UBE2R2: variants seen among roughly 807,000 people sequenced by gnomAD.
UBE2R2 encodes ubiquitin-conjugating enzyme E2 R2.
Under a neutral mutation model 27.8 loss-of-function variants are expected in UBE2R2, and 1 was observed. The observed-to-expected ratio is 0.04, with a 90% CI of 0.01 to 0.17. The LOEUF (loss-of-function observed/expected upper bound fraction) is 0.17, where lower values mean the gene tolerates loss of function less well. UBE2R2 is among the 10% of genes least tolerant of loss of function. UBE2R2 has a pLI of 1.00. For missense variants in UBE2R2, 100 were observed against 291.0 expected, an observed-to-expected ratio of 0.34 and a Z score of 4.78; for synonymous variants, 106 against 113.3, an observed-to-expected ratio of 0.94 and a Z score of 0.41.
At chr9:33,899,255 C>T (rs578057700) in intron 2 of UBE2R2, among the ~76,000 whole-genome samples, 5 of 151,978 alleles carry the variant, frequency 3.3e-5, no homozygotes, top group South Asian at 2.1e-4. Flanking sequence ...TTGCCCAGGC[C>T]GGAGCACTAT....
At chr9:33,843,099 G>A (rs1490285753) in intron 1 of UBE2R2, among the ~76,000 whole-genome samples, 2 of 144,616 alleles carry the variant, frequency 1.4e-5, no homozygotes, top group South Asian at 2.1e-4. Context: ...CCAGGCTGGA[G>A]TGCAGTGGCA....
chr9:33,909,372 T>C (rs981929160), intron 3 of UBE2R2, among the ~76,000 whole-genome samples: 2 of 151,860 alleles, frequency 1.3e-5, no homozygotes. Flanking sequence ...CCTGTAATCC[T>C]AGCTACTTGG....
chr9:33,888,314 C>T (rs201885009), intron 2 of UBE2R2, among the ~76,000 whole-genome samples: 3 of 116,020 alleles, frequency 2.6e-5, no homozygotes, highest in East Asian at 6.4e-4. Flanking sequence ...AACAAAAAAA[C>T]AAACAAAAAA....
chr9:33,884,225 T>TCTCTCC (rs1821801674), intron 1 of UBE2R2, among the ~76,000 whole-genome samples: 1 of 145,726 alleles, frequency 6.9e-6, no homozygotes, highest in Non-Finnish European at 1.5e-5. Context: ...TCTCTCTCTC[T>TCTCTCC]CTCTCTCTCT....
At chr9:33,880,133 G>A (rs914663162) in intron 1 of UBE2R2, among the ~76,000 whole-genome samples, 7 of 151,402 alleles carry the variant, frequency 4.6e-5, no homozygotes, top group Admixed American at 6.6e-5. Flanking sequence ...GAATCCACCC[G>A]CCTCGGCCTC....
In UBE2R2 at chr9:33,917,243, T is replaced by C; in HGVS notation, c.*6T>C. On this transcript the variant is annotated 3_prime_UTR_variant, in exon 5 of 5. Transcript: ENST00000263228. ...CTGGGAATGAGGAGTCGTGACGTGC[T>C]CCTTCAGTGCCCCTGTACTGCCCTG... The C allele has an allele frequency of 6.2e-7, 1 of 1,613,886 alleles. No individual in the cohort carries two copies.
chr9:33,878,914 T>C (rs975039723), intron 1 of UBE2R2, among the ~76,000 whole-genome samples: 16 of 152,280 alleles, frequency 1.1e-4, no homozygotes, highest in Admixed American at 5.2e-4. Flanking sequence ...TTGTGGCTTA[T>C]CTGCTTTCTT....
chr9:33,917,298 T>C lies in UBE2R2; in HGVS notation c.*61T>C, dbSNP rs943206337. ...CTCAGGCCAAAGGGAGGGGAGCAAGTGGGGACCTGGCCATGGCCCCTCAGC... is the reference window on the plus strand; with the variant it reads ...CTCAGGCCAAAGGGAGGGGAGCAAGCGGGGACCTGGCCATGGCCCCTCAGC... On this transcript the variant is annotated 3_prime_UTR_variant, in exon 5 of 5. Transcript: ENST00000263228. 5 of 1,597,846 alleles carry C rather than the reference T, an allele frequency of 3.1e-6. No homozygotes were observed. Among genetic ancestry groups the C allele is most frequent in the African/African-American group, 1.3e-5 (1 of 74,736 alleles).
intron 1 of UBE2R2, among the ~76,000 whole-genome samples, chr9:33,825,094 A>G (rs939518039): frequency 2.6e-5 from 4 of 152,148 alleles, no homozygotes; most frequent in Non-Finnish European, 5.9e-5. Flanking sequence ...TTGTAGGAAA[A>G]GTCACTTCCT....
chr9:33,823,095 G>A (rs1262618118), intron 1 of UBE2R2, among the ~76,000 whole-genome samples: 2 of 150,016 alleles, frequency 1.3e-5, no homozygotes, highest in African/African-American at 4.9e-5. Flanking sequence ...TAGTAGAGAT[G>A]GGGTTTTGCC....
intron 2 of UBE2R2, among the ~76,000 whole-genome samples, chr9:33,897,782 T>C (rs1024915979): frequency 1.1e-4 from 17 of 150,210 alleles, no homozygotes; most frequent in Admixed American, 3.3e-4. Flanking sequence ...TTTCTTTTTT[T>C]TTTTTTTTTT....
In UBE2R2 at chr9:33,854,378, G is replaced by C. The variant is rs572589158; in HGVS notation, c.178-32503G>C. On this transcript the variant is annotated intron_variant, in intron 1 of 4. Coordinates refer to ENST00000263228, the MANE Select transcript of UBE2R2 (RefSeq NM_017811.4). ...CTTGTCGTCCAGGCTGGAGTGCAAT[G>C]GTACAATCTCAGCTCACTGCAACTT... Among the ~76,000 whole-genome samples the C allele has an allele frequency of 1.8e-3, 273 of 151,730 alleles. 1 individual carries two copies. Among genetic ancestry groups the C allele is most frequent in the African/African-American group, 6.4e-3 (263 of 41,368 alleles).
chr9:33,912,207 T>A, intron 4 of UBE2R2, 109 bp downstream of exon 4: 1 of 1,012,246 alleles, frequency 9.9e-7, no homozygotes, highest in Non-Finnish European at 1.4e-6. Flanking sequence ...ATAATTTTCC[T>A]CTATTAGATT....
In UBE2R2 at chr9:33,917,600, A is replaced by T. The variant is rs1053025214; in HGVS notation, c.*363A>T. On this transcript the variant is annotated 3_prime_UTR_variant, in exon 5 of 5. Transcript: ENST00000263228. ...TCTTGAAGAATTCAATAGTCTTTCA[A>T]GATGTTTAATGTGTTTAAAGCTGGG... 1.8e-5 allele frequency: 8 copies of T among 433,458 alleles called. No homozygotes were observed. The East Asian group carries it at 2.9e-4, about 15-fold the overall frequency. 26.9% of individuals were successfully genotyped at this position (433,458 alleles called of 1,614,324 possible).
chr9:33,847,832 A>C (rs1385568071), intron 1 of UBE2R2, among the ~76,000 whole-genome samples: 1 of 148,308 alleles, frequency 6.7e-6, no homozygotes, highest in Non-Finnish European at 1.5e-5. Flanking sequence ...GGCTCACTGC[A>C]ACTCTGCCTC....
intron 2 of UBE2R2, among the ~76,000 whole-genome samples, chr9:33,897,868 C>T (rs1192715978): frequency 6.6e-6 from 1 of 151,260 alleles, no homozygotes; most frequent in African/African-American, 2.4e-5. Flanking sequence ...CTCCACCTCC[C>T]AGGTTCAAGT....
intron 2 of UBE2R2, among the ~76,000 whole-genome samples, chr9:33,899,397 C>T (rs775542873): frequency 5.4e-5 from 8 of 147,022 alleles, no homozygotes; most frequent in African/African-American, 1.0e-4. Context: ...TTTTTTGAGA[C>T]GGAGTCTCCC....
chr9:33,871,539 TTTTA>T (rs745341514), intron 1 of UBE2R2, among the ~76,000 whole-genome samples: 5 of 152,114 alleles, frequency 3.3e-5, no homozygotes, highest in East Asian at 1.9e-4. Context: ...TACTTGTTCT[TTTTA>T]TTTATTTATT....
intron 1 of UBE2R2, among the ~76,000 whole-genome samples, chr9:33,862,154 G>C (rs985607223): frequency 7.2e-5 from 11 of 152,008 alleles, no homozygotes; most frequent in African/African-American, 2.4e-4. Context: ...TGCCCGGCCT[G>C]TTGATCCACT....
Sources: gnomAD v4.1 joint callset for allele counts (sites outside exome capture counted in the v4.1 genomes callset) on GRCh38, gnomAD v4.1.1 for gene constraint, MANE v1.5 for transcripts, NCBI Gene and HGNC (gene_info 2026-07-23, HGNC 2026-07-21) for gene names.